The following THADA variants were observed in gnomAD, a reference collection of about 807,000 sequenced individuals.
THADA encodes the protein tRNA (32-2'-O)-methyltransferase regulator THADA.
THADA carries 213 observed loss-of-function variants against 219.8 expected under a neutral mutation model. The observed-to-expected ratio is 0.97, with a 90% CI of 0.87 to 1.09. THADA has a LOEUF of 1.09. Ranked by LOEUF, THADA falls within the 50% of genes least tolerant of loss-of-function variation. The pLI, the probability that THADA is intolerant of heterozygous loss-of-function variation, is 0.00. For missense variants in THADA, 2,956 were observed against 2,311.3 expected (o/e 1.28, Z -5.72); for synonymous variants, 1,018 against 828.9 (o/e 1.23, Z -3.92).
At chr2:43,410,757 C>CA (rs1362320953) in intron 28 of THADA, among the ~76,000 whole-genome samples, 1 of 152,014 alleles carries the variant, frequency 6.6e-6, no homozygotes, top group Non-Finnish European at 1.5e-5. Context: ...GTAAGGATTA[C>CA]AAAGGATGAT....
intron 26 of THADA, among the ~76,000 whole-genome samples, chr2:43,455,641 A>C (rs1279092692): frequency 6.6e-6 from 1 of 152,242 alleles, no homozygotes; most frequent in East Asian, 1.9e-4. Context: ...CAGGCTAACA[A>C]GAAGACACAA....
In THADA at chr2:43,292,861, C is replaced by T. The variant is rs771329484; in HGVS notation, c.4791G>A (p.Lys1597=). The T allele has an allele frequency of 6.2e-6, 10 of 1,613,292 alleles. No individual in the cohort carries two copies. In the East Asian group the frequency reaches 6.7e-5, roughly 11 times the overall value. Residue 1597 remains lysine, a synonymous_variant, in exon 32 of 38, where the codon AAG becomes AAA. Transcript: ENST00000405975. Reference sequence around the variant, plus strand: ...TGCAGAAGCATTCTGGGTGATTTTCCTTCATGGCCAACAATAAGAACTTCT... The same window carrying T: ...TGCAGAAGCATTCTGGGTGATTTTCTTTCATGGCCAACAATAAGAACTTCT... The part of the protein sequence containing the change: ...MGEKFLLLAM[K]ENHPECFCKI...
intron 35 of THADA, 48 bp downstream of exon 35, chr2:43,286,848 AATATCTATTCAT>A: frequency 6.4e-7 from 1 of 1,565,336 alleles, no homozygotes; most frequent in South Asian, 1.2e-5. Flanking sequence ...TTTAGGCAAG[AATATCTATTCAT>A]ATTTTAAGTG....
intron 29 of THADA, among the ~76,000 whole-genome samples, chr2:43,352,677 G>T (rs2104563509): frequency 6.6e-6 from 1 of 151,960 alleles, no homozygotes; most frequent in East Asian, 1.9e-4. Context: ...GAGAGGGAGA[G>T]GGGGAGAGAG....
chr2:43,489,694 A>G (rs1000575166), intron 25 of THADA, among the ~76,000 whole-genome samples: 1 of 152,072 alleles, frequency 6.6e-6, no homozygotes, highest in Non-Finnish European at 1.5e-5. Flanking sequence ...TTTCTGTACA[A>G]TCAATCCTAA....
chr2:43,527,642 T>A (rs2103726725), intron 22 of THADA, among the ~76,000 whole-genome samples: 1 of 152,298 alleles, frequency 6.6e-6, no homozygotes, highest in East Asian at 1.9e-4. Flanking sequence ...GCAAAATCTT[T>A]GAGTTTGCTT....
At position 43,308,755 on chromosome 2, in the gene THADA, TACCAAAAA is replaced by T. The variant is rs1231461226; in HGVS notation, c.4438+11683_4438+11690del. Among the ~76,000 whole-genome samples, 106 of 63,322 alleles carry T rather than the reference TACCAAAAA, an allele frequency of 1.7e-3. 1 individual carries two copies. Among genetic ancestry groups the T allele is most frequent in the African/African-American group, 6.1e-3 (98 of 16,022 alleles). The allele number at this position is 63,322 out of a possible 152,430, so 41.5% of individuals were successfully genotyped here. A position where few individuals can be genotyped will look rare whatever the true frequency, so the allele number is the denominator to read the frequency against. On this transcript the variant is annotated intron_variant, in intron 31 of 37. Transcript: ENST00000405975. ...ATGGTGCTGAAACATTGGATACCCA[TACCAAAAA>T]AAAAAAAAAAAAAAAAAAAAAGAAT...
chr2:43,395,633 T>C (rs1673935857), intron 29 of THADA, among the ~76,000 whole-genome samples: 1 of 152,260 alleles, frequency 6.6e-6, no homozygotes, highest in African/African-American at 2.4e-5. Flanking sequence ...TTTACTCTCA[T>C]TCTCTCATGA....
At chr2:43,588,627 A>G (rs1701236775) in intron 4 of THADA, among the ~76,000 whole-genome samples, 1 of 152,204 alleles carries the variant, frequency 6.6e-6, no homozygotes, top group Non-Finnish European at 1.5e-5. Context: ...TCTGGGATAC[A>G]CAAATTATAA....
chr2:43,241,724 C>A (rs544809289), intron 36 of THADA, among the ~76,000 whole-genome samples: 1 of 152,010 alleles, frequency 6.6e-6, no homozygotes, highest in African/African-American at 2.4e-5. Flanking sequence ...GCGGTGGCCA[C>A]GCCTACAGAA....
At chr2:43,409,245 G>A (rs980958606) in intron 28 of THADA, among the ~76,000 whole-genome samples, 2 of 152,070 alleles carry the variant, frequency 1.3e-5, no homozygotes, top group Non-Finnish European at 2.9e-5. Context: ...TAATGCCCCT[G>A]AATGACCCTC....
chr2:43,429,486 C>G (rs890128673), intron 27 of THADA, among the ~76,000 whole-genome samples: 2 of 152,078 alleles, frequency 1.3e-5, no homozygotes, highest in Non-Finnish European at 2.9e-5. Context: ...TCCAAGAACA[C>G]TGGCCATTTC....
At chr2:43,569,492 T>C (rs1171440282) in intron 14 of THADA, among the ~76,000 whole-genome samples, 1 of 152,172 alleles carries the variant, frequency 6.6e-6, no homozygotes, top group Non-Finnish European at 1.5e-5. Flanking sequence ...TAAACCCATG[T>C]CTTTAAAGTT....
At chr2:43,276,568 A>G (rs1189756668) in intron 36 of THADA, among the ~76,000 whole-genome samples, 1 of 152,176 alleles carries the variant, frequency 6.6e-6, no homozygotes, top group Non-Finnish European at 1.5e-5. Flanking sequence ...CAGGTTCCAG[A>G]AAGTGCCCGT....
Position 43,569,991 on chromosome 2 carries a change from G to A in THADA, c.2187+397C>T, listed in dbSNP as rs574729476. Among the ~76,000 whole-genome samples the A allele has an allele frequency of 1.9e-3, 282 of 152,306 alleles. 2 individuals are homozygous for A. Among genetic ancestry groups the A allele is most frequent in the African/African-American group, 5.8e-3 (242 of 41,556 alleles). The stretch of plus-strand genomic sequence containing the variant: ...CCTCCACAGCTGGACCATGGGCCAA[G>A]AGTCATTAATATCAAGCCTCTGTAA... On this transcript the variant is annotated intron_variant, in intron 14 of 37. Coordinates refer to ENST00000405975, the MANE Select transcript of THADA (RefSeq NM_022065.5).
At chr2:43,549,103 T>C in intron 20 of THADA, 107 bp downstream of exon 20, 1 of 994,692 alleles carries the variant, frequency 1.0e-6, no homozygotes, top group Middle Eastern at 3.4e-4. Context: ...TTTCTAGAAA[T>C]GTTCTGCACA....
intron 21 of THADA, among the ~76,000 whole-genome samples, chr2:43,537,468 T>A (rs1346929336): frequency 6.6e-6 from 1 of 152,192 alleles, no homozygotes; most frequent in Non-Finnish European, 1.5e-5. Context: ...TTGCATTGAG[T>A]GCAATTCAAT....
intron 26 of THADA, among the ~76,000 whole-genome samples, chr2:43,467,239 T>C (rs1426811722): frequency 3.3e-5 from 5 of 150,776 alleles, no homozygotes; most frequent in Admixed American, 2.6e-4. Flanking sequence ...AGAACTTTGT[T>C]ACTTTAAGAA....
chr2:43,548,904 T>C (rs562073857), intron 20 of THADA, among the ~76,000 whole-genome samples: 4 of 152,284 alleles, frequency 2.6e-5, no homozygotes, highest in South Asian at 4.1e-4. Flanking sequence ...TGGCACTCCC[T>C]AGTGAGATGA....
Sources: gnomAD v4.1 joint callset for allele counts (sites outside exome capture counted in the v4.1 genomes callset) on GRCh38, gnomAD v4.1.1 for gene constraint, MANE v1.5 for transcripts, NCBI Gene and HGNC (gene_info 2026-07-23, HGNC 2026-07-21) for gene names.